Variants in SLC25A17 observed in about 807,000 individuals in gnomAD.
SLC25A17 encodes peroxisomal membrane protein PMP34.
SLC25A17 carries 26 observed loss-of-function variants against 38.5 expected under a neutral mutation model. That is an observed-to-expected ratio of 0.68 (90% CI 0.50 to 0.94). SLC25A17 has a LOEUF of 0.94. Among genes scored for constraint, SLC25A17 ranks in the 40% least tolerant of loss-of-function variants. The probability of loss-of-function intolerance (pLI) is 0.00; values close to 1 mark genes in which losing one functional copy is unlikely to be tolerated. For synonymous variants in SLC25A17, 139 were observed against 136.2 expected (o/e 1.02, Z -0.14); for missense variants, 333 against 372.7 (o/e 0.89, Z 0.88).
chr22:40,804,191 T>G (rs1159112256), intron 1 of SLC25A17, among the ~76,000 whole-genome samples: 1 of 152,112 alleles, frequency 6.6e-6, no homozygotes, highest in African/African-American at 2.4e-5. Flanking sequence ...AGTGCTCCTT[T>G]GTCCTGAAAT....
intron 7 of SLC25A17, 69 bp from the exon 8 acceptor site, chr22:40,774,088 A>AGGGG: frequency 1.1e-6 from 1 of 928,346 alleles, no homozygotes. Flanking sequence ...TTACCTGGGG[A>AGGGG]GGATATTATG....
intron 7 of SLC25A17, 141 bp downstream of exon 7, chr22:40,776,899 A>G: frequency 1.3e-6 from 1 of 745,120 alleles, no homozygotes. Flanking sequence ...GTCTCAAAAA[A>G]AGAAAAGAAA....
intron 8 of SLC25A17, among the ~76,000 whole-genome samples, chr22:40,772,027 AAAAC>A (rs1423165493): frequency 6.6e-6 from 1 of 151,750 alleles, no homozygotes; most frequent in Non-Finnish European, 1.5e-5. Flanking sequence ...TAAAAAAAAA[AAAAC>A]AAAGCCATTA....
intron 8 of SLC25A17, among the ~76,000 whole-genome samples, chr22:40,771,630 C>G (rs2057184113): frequency 6.6e-6 from 1 of 152,088 alleles, no homozygotes; most frequent in East Asian, 1.9e-4. Flanking sequence ...ATCGCATGTT[C>G]TCACTTATTT....
intron 1 of SLC25A17, among the ~76,000 whole-genome samples, chr22:40,809,412 C>T (rs541354778): frequency 6.6e-6 from 1 of 151,064 alleles, no homozygotes; most frequent in East Asian, 1.9e-4. Context: ...CCCAGGAGTT[C>T]GAGACCAGCC....
chr22:40,813,675 G>C (rs571220460), intron 1 of SLC25A17, among the ~76,000 whole-genome samples: 1 of 152,216 alleles, frequency 6.6e-6, no homozygotes, highest in South Asian at 2.1e-4. Context: ...AGTGAGCCGA[G>C]ATCACGCCAC....
intron 1 of SLC25A17, among the ~76,000 whole-genome samples, chr22:40,812,091 C>T (rs1053831876): frequency 6.6e-5 from 10 of 151,890 alleles, no homozygotes; most frequent in Non-Finnish European, 1.5e-4. Flanking sequence ...GATGAGGTCT[C>T]ACTACATTGC....
At chr22:40,816,826 G>A (rs2057645866) in intron 1 of SLC25A17, among the ~76,000 whole-genome samples, 1 of 152,022 alleles carries the variant, frequency 6.6e-6, no homozygotes, top group Admixed American at 6.6e-5. Flanking sequence ...AGCCAGGCTG[G>A]CCTCGAACTC....
intron 1 of SLC25A17, among the ~76,000 whole-genome samples, chr22:40,807,999 CCT>C (rs756999118): frequency 3.3e-5 from 5 of 151,634 alleles, no homozygotes; most frequent in African/African-American, 9.7e-5. Flanking sequence ...ATTTTTTTCC[CCT>C]GAGGACTGTC....
intron 4 of SLC25A17, 57 bp downstream of exon 4, chr22:40,792,468 G>C: frequency 6.9e-7 from 1 of 1,445,774 alleles, no homozygotes; most frequent in Non-Finnish European, 9.4e-7. Flanking sequence ...ACCTCTTAGA[G>C]GATATAAAAC....
At chr22:40,781,376 G>A (rs976298962) in intron 4 of SLC25A17, among the ~76,000 whole-genome samples, 3 of 151,858 alleles carry the variant, frequency 2.0e-5, no homozygotes, top group African/African-American at 7.3e-5. Context: ...CTCCCGAGTA[G>A]CCAGGACTAC....
At chr22:40,777,822 T>G (rs1298010204) in intron 5 of SLC25A17, among the ~76,000 whole-genome samples, 1 of 151,914 alleles carries the variant, frequency 6.6e-6, no homozygotes, top group East Asian at 1.9e-4. Context: ...GCAATGATAG[T>G]TTGGGGTCAA....
intron 1 of SLC25A17, among the ~76,000 whole-genome samples, chr22:40,813,621 G>C (rs1402107611): frequency 6.6e-6 from 1 of 152,150 alleles, no homozygotes; most frequent in Admixed American, 6.5e-5. Context: ...CTACTCGGAA[G>C]GCTGAGGCAG....
At chr22:40,777,647 C>A (rs1340482707) in intron 5 of SLC25A17, among the ~76,000 whole-genome samples, 1 of 151,868 alleles carries the variant, frequency 6.6e-6, no homozygotes, top group Non-Finnish European at 1.5e-5. Context: ...CTAGGTGTGG[C>A]GGTGCATACC....
chr22:40,774,957 C>T (rs2057225870), intron 7 of SLC25A17, among the ~76,000 whole-genome samples: 1 of 152,076 alleles, frequency 6.6e-6, no homozygotes, highest in Non-Finnish European at 1.5e-5. Flanking sequence ...TCTCCAGTGC[C>T]ACCACCGTGG....
intron 7 of SLC25A17, 84 bp from the exon 8 acceptor site, chr22:40,774,103 A>C (rs2057216406): frequency 6.3e-6 from 5 of 798,094 alleles, no homozygotes. Context: ...ATTATGTTGG[A>C]GTAGTATCTT....
At position 40,809,407 on chromosome 22, in the gene SLC25A17, G is replaced by C. The variant is rs2057557936; in HGVS notation, c.54+9788C>G. Among the ~76,000 whole-genome samples the C allele has an allele frequency of 3.3e-5, 5 of 151,772 alleles. No homozygotes were observed. In the South Asian group the frequency reaches 8.3e-4, roughly 25 times the overall value. ...AGGTGGGCGGATTGCTTGAGCCCAG[G>C]AGTTCGAGACCAGCCTGAGCAACAT... On this transcript the variant is annotated intron_variant, in intron 1 of 8. Coordinates refer to ENST00000435456, the MANE Select transcript of SLC25A17 (RefSeq NM_006358.4).
Position 40,776,595 on chromosome 22 carries a change from C to T in SLC25A17, c.693+445G>A, listed in dbSNP as rs1976831758. On this transcript the variant is annotated intron_variant, in intron 7 of 8. Coordinates refer to ENST00000435456, the MANE Select transcript of SLC25A17 (RefSeq NM_006358.4). ...CAGCCAGCCTAGTTAAGCAGAATAT[C>T]AAACAAATGAAAAAATGGGGGCCAG... Among the ~76,000 whole-genome samples the T allele has an allele frequency of 3.3e-5, 5 of 152,084 alleles. No homozygotes were observed. In the South Asian group the frequency reaches 1.0e-3, roughly 32 times the overall value.
At chr22:40,782,600 T>G (rs1348535711) in intron 4 of SLC25A17, among the ~76,000 whole-genome samples, 1 of 152,140 alleles carries the variant, frequency 6.6e-6, no homozygotes, top group Non-Finnish European at 1.5e-5. Flanking sequence ...GGTATGCACT[T>G]CTGGAAAATA....
Sources: allele counts gnomAD v4.1 joint callset (sites outside exome capture counted in the v4.1 genomes callset), GRCh38; gene constraint gnomAD v4.1.1; transcripts MANE v1.5; gene names NCBI Gene and HGNC (gene_info 2026-07-23, HGNC 2026-07-21).